Variants in ESYT3 observed in about 807,000 individuals in gnomAD.
ESYT3 encodes extended synaptotagmin 3, also known as extended synaptotagmin-3.
In ESYT3, 101 loss-of-function variants were observed where a neutral mutation model predicts 111.5. The observed-to-expected ratio is 0.91, with a 90% CI of 0.77 to 1.07. The LOEUF (loss-of-function observed/expected upper bound fraction) is 1.07, where lower values mean the gene tolerates loss of function less well. ESYT3 is among the 50% of genes least tolerant of loss of function. The probability of loss-of-function intolerance (pLI) is 0.00; values close to 1 mark genes in which losing one functional copy is unlikely to be tolerated. For synonymous variants in ESYT3, 416 were observed against 446.8 expected, an observed-to-expected ratio of 0.93 and a Z score of 0.87; for missense variants, 1,097 against 1,109.4, an observed-to-expected ratio of 0.99 and a Z score of 0.16.
At chr3:138,439,039 G>GTA (rs1321996035) in intron 1 of ESYT3, among the ~76,000 whole-genome samples, 3 of 152,218 alleles carry the variant, frequency 2.0e-5, no homozygotes, top group African/African-American at 7.2e-5. Context: ...TAGGGACTGT[G>GTA]TATAGCACAG....
intron 1 of ESYT3, among the ~76,000 whole-genome samples, chr3:138,443,987 T>C (rs1367591997): frequency 3.9e-5 from 6 of 152,314 alleles, no homozygotes; most frequent in Non-Finnish European, 8.8e-5. Flanking sequence ...CTCCATTTCC[T>C]CACTGCTGTG....
At chr3:138,466,590 A>T (rs976658308) in intron 10 of ESYT3, among the ~76,000 whole-genome samples, 6 of 152,158 alleles carry the variant, frequency 3.9e-5, no homozygotes, top group African/African-American at 1.4e-4. Flanking sequence ...ACAGTTATAT[A>T]GAATTACATT....
At position 138,470,101 on chromosome 3, in the gene ESYT3, C is replaced by T. The variant is rs1423166010; in HGVS notation, c.1545C>T (p.Phe515=). ...AGGACCCTGTGTGGAGCCAGGTGTT[C>T]TCCTTCTTTGTGCACAATGTGGCCA... ...HNKDPVWSQV[F]SFFVHNVATE... is the part of the protein sequence containing the mutation. The change falls in exon 16 of 23, where the codon TTC becomes TTT. Residue 515 remains phenylalanine, a synonymous_variant. Transcript: ENST00000389567. 11 of 1,613,032 alleles carry T rather than the reference C, an allele frequency of 6.8e-6. No homozygotes were observed. Among genetic ancestry groups the T allele is most frequent in the Admixed American group, 1.7e-5 (1 of 59,964 alleles).
In ESYT3 at chr3:138,479,752, G is replaced by A. The variant is rs983183468; in HGVS notation, c.*2898G>A. 8.5e-5 allele frequency: 13 copies of A among 152,270 alleles called. No homozygotes were observed. Among genetic ancestry groups the A allele is most frequent in the African/African-American group, 1.4e-4 (6 of 41,552 alleles). The allele number at this position is 152,270 out of a possible 1,614,324, so 9.4% of individuals were successfully genotyped here. Reference sequence around the variant, plus strand: ...GTTGCATGGTCCTATGGCTGCCAGCGGAAATCTAAATCTCAGCCTGGTAGG... The same window carrying A: ...GTTGCATGGTCCTATGGCTGCCAGCAGAAATCTAAATCTCAGCCTGGTAGG... On this transcript the variant is annotated 3_prime_UTR_variant, in exon 23 of 23. Coordinates refer to ENST00000389567, the MANE Select transcript of ESYT3 (RefSeq NM_031913.5).
intron 20 of ESYT3, chr3:138,474,593 T>C: frequency 2.8e-6 from 1 of 358,376 alleles, no homozygotes; most frequent in Non-Finnish European, 5.0e-6. Flanking sequence ...GAATATGGAA[T>C]GTTCCCTACT....
Position 138,460,619 on chromosome 3 carries a change from G to T in ESYT3, c.747G>T (p.Gln249His), listed in dbSNP as rs1236270674. 2 of 1,614,102 alleles carry T rather than the reference G, an allele frequency of 1.2e-6. No homozygotes were observed. Among genetic ancestry groups the T allele is most frequent in the Admixed American group, 3.3e-5 (2 of 60,024 alleles). ...TCCCTCTGCCCCTGAAGCACCTACA[G>T]ATCAACTGGACTGGCCTGACCAACC... ...TVFFLQKPHL[Q>H]INWTGLTNLL... is the part of the protein sequence containing the mutation. Residue 249 changes from glutamine (Q) to histidine (H), a missense_variant, in exon 7 of 23, where the codon CAG (glutamine) becomes CAT (histidine). Transcript: ENST00000389567.
In ESYT3 at chr3:138,470,936, C is replaced by T. The variant is rs764496401; in HGVS notation, c.1650C>T (p.Ile550=). 2.0e-5 allele frequency: 33 copies of T among 1,614,044 alleles called. No homozygotes were observed. The highest frequency in any genetic ancestry group is 2.7e-5 in the Non-Finnish European group (32 of 1,180,046). The change falls in exon 17 of 23, where the codon ATC becomes ATT. Residue 550 remains isoleucine (I), a synonymous_variant. Transcript: ENST00000389567. ...TGCTGGAGGTCCCCCTGTGCCAGATCCTCCCCTATGCTGACCTCACTCTTG... is the reference window on the plus strand; with the variant it reads ...TGCTGGAGGTCCCCCTGTGCCAGATTCTCCCCTATGCTGACCTCACTCTTG... The part of the protein sequence containing the change: ...LGMLEVPLCQ[I]LPYADLTLEQ...
rs1356285063 is a variant in ESYT3 at position 138,472,419 on chromosome 3, A to G, written c.1797A>G (p.Leu599=). ...GCCCATACACAGGACCTGAAGCCCT[A>G]AAGAAAGGCCCTCTGCTCATCAAGA... is the stretch of plus-strand genomic sequence containing the variant. The part of the protein sequence containing the change: ...LGSPYTGPEA[L]KKGPLLIKKV... The change falls in exon 18 of 23, where the codon CTA becomes CTG. Residue 599 remains leucine, a synonymous_variant. Coordinates refer to ENST00000389567, the MANE Select transcript of ESYT3 (RefSeq NM_031913.5). The G allele has an allele frequency of 6.2e-7, 1 of 1,614,182 alleles. No homozygotes were observed. Among genetic ancestry groups the G allele is most frequent in the Non-Finnish European group, 8.5e-7 (1 of 1,180,024 alleles).
At chr3:138,480,946 C>T (rs1386148048), downstream of ESYT3, 3 of 152,180 alleles carry the variant, frequency 2.0e-5, no homozygotes, top group East Asian at 5.8e-4. Flanking sequence ...TTCACATATA[C>T]TCAATTTATG....
intron 1 of ESYT3, among the ~76,000 whole-genome samples, chr3:138,439,904 G>T (rs868718655): frequency 3.3e-5 from 5 of 152,208 alleles, no homozygotes; most frequent in Admixed American, 1.3e-4. Context: ...AGCTTTGTGA[G>T]GGGCAGTTAA....
At chr3:138,473,700 A>G (rs963035236) in intron 19 of ESYT3, 66 bp downstream of exon 19, 1 of 1,368,126 alleles carries the variant, frequency 7.3e-7, no homozygotes, top group Non-Finnish European at 1.0e-6. Flanking sequence ...CAGAGTAGGG[A>G]CACTCAGAGC....
chr3:138,456,690 T>C (rs904130538), intron 3 of ESYT3, among the ~76,000 whole-genome samples: 1 of 152,166 alleles, frequency 6.6e-6, no homozygotes, highest in Non-Finnish European at 1.5e-5. Context: ...TGCATGTTCC[T>C]TATGAGAAGC....
chr3:138,444,339 C>T (rs774790624), intron 1 of ESYT3, among the ~76,000 whole-genome samples: 10 of 152,162 alleles, frequency 6.6e-5, no homozygotes, highest in Non-Finnish European at 1.5e-4. Flanking sequence ...GGACAGCAGA[C>T]GTCGGAGATC....
At chr3:138,456,369 T>G in intron 3 of ESYT3, among the ~76,000 whole-genome samples, 1 of 151,652 alleles carries the variant, frequency 6.6e-6, no homozygotes, top group African/African-American at 2.4e-5. Flanking sequence ...AATGGAGGGG[T>G]GGAGGGGCTG....
intron 20 of ESYT3, chr3:138,474,665 G>T (rs1265987679): frequency 5.0e-6 from 1 of 198,340 alleles, no homozygotes; most frequent in East Asian, 1.3e-4. Context: ...ATATTTTTTT[G>T]ATCTGTTTTA....
chr3:138,479,901 A>G lies in ESYT3; in HGVS notation c.*3047A>G, dbSNP rs933494482. ...CCACTTCTACCCCGTTTAGTAGTAA[A>G]TACAAGAATTGCTAACTAGTAAAAG... On this transcript the variant is annotated 3_prime_UTR_variant, in exon 23 of 23. Transcript: ENST00000389567. 3 of 152,206 alleles carry G rather than the reference A, an allele frequency of 2.0e-5. No homozygotes were observed. Among genetic ancestry groups the G allele is most frequent in the African/African-American group, 4.8e-5 (2 of 41,452 alleles). The allele number at this position is 152,206 out of a possible 1,614,324, so 9.4% of individuals were successfully genotyped here.
Position 138,479,365 on chromosome 3 carries a change from C to CTGAT in ESYT3, c.*2513_*2516dup, listed in dbSNP as rs1340560822. 7 of 152,164 alleles carry CTGAT rather than the reference C, an allele frequency of 4.6e-5. No individual in the cohort carries two copies. Among genetic ancestry groups the CTGAT allele is most frequent in the South Asian group, 2.1e-4 (1 of 4,816 alleles). The allele number at this position is 152,164 out of a possible 1,614,324, so 9.4% of individuals were successfully genotyped here. On this transcript the variant is annotated 3_prime_UTR_variant, in exon 23 of 23. Coordinates refer to ENST00000389567, the MANE Select transcript of ESYT3 (RefSeq NM_031913.5). The stretch of plus-strand genomic sequence containing the variant: ...TAACAACTAAGAAGGGGCAGCTAGG[C>CTGAT]TGATTAAGAAAGTAAGTATTCAAGA...
intron 1 of ESYT3, among the ~76,000 whole-genome samples, chr3:138,446,132 C>T (rs1324602141): frequency 6.6e-6 from 1 of 152,194 alleles, no homozygotes; most frequent in Non-Finnish European, 1.5e-5. Context: ...ATGGAATGCC[C>T]TTTGTAAGTC....
chr3:138,462,002 C>T lies in ESYT3; in HGVS notation c.795-84C>T, dbSNP rs2032667727. 2.5e-6 allele frequency: 4 copies of T among 1,599,106 alleles called. No homozygotes were observed. In the Admixed American group the frequency reaches 6.7e-5, roughly 27 times the overall value. ...GGGGCCCACCCTACCAATCTGGGCT[C>T]CTGGTTCCTGCTAGGGATGGAGTGG... On this transcript the variant is annotated intron_variant, in intron 7 of 22. Transcript: ENST00000389567.
Sources: gnomAD v4.1 joint callset for allele counts (sites outside exome capture counted in the v4.1 genomes callset) on GRCh38, gnomAD v4.1.1 for gene constraint, MANE v1.5 for transcripts, NCBI Gene and HGNC (gene_info 2026-07-23, HGNC 2026-07-21) for gene names.